Variants in AK5 observed in about 807,000 individuals in gnomAD.
AK5 encodes the protein adenylate kinase 5.
A neutral mutation model predicts 69.5 loss-of-function variants in AK5; 27 were observed. The observed-to-expected ratio is 0.39, with a 90% CI of 0.29 to 0.54. The LOEUF (loss-of-function observed/expected upper bound fraction) is 0.54, where lower values mean the gene tolerates loss of function less well. AK5 is among the 20% of genes least tolerant of loss of function. The pLI, the probability that AK5 is intolerant of heterozygous loss-of-function variation, is 0.71. For missense variants in AK5, 531 were observed against 700.4 expected, an observed-to-expected ratio of 0.76 and a Z score of 2.73; for synonymous variants, 260 against 244.4, an observed-to-expected ratio of 1.06 and a Z score of -0.60.
chr1:77,293,587 A>G (rs1658808347), intron 2 of AK5: 2 of 429,126 alleles, frequency 4.7e-6, no homozygotes, highest in Non-Finnish European at 4.1e-6. Flanking sequence ...GCCAAGTTGA[A>G]TAGAAACTGC....
chr1:77,317,708 C>CCTTTGATTG (rs1660313204), intron 5 of AK5, among the ~76,000 whole-genome samples: 1 of 152,142 alleles, frequency 6.6e-6, no homozygotes, highest in African/African-American at 2.4e-5. Flanking sequence ...AGACCACTGC[C>CCTTTGATTG]ATTAGTTCAC....
chr1:77,558,781 A>G lies in AK5; in HGVS notation c.*111A>G. 1.4e-6 allele frequency: 1 copy of G among 734,850 alleles called. No homozygotes were observed. The highest frequency in any genetic ancestry group is 2.4e-6 in the Non-Finnish European group (1 of 418,202). 45.5% of individuals were successfully genotyped at this position (734,850 alleles called of 1,614,324 possible). On this transcript the variant is annotated 3_prime_UTR_variant, in exon 14 of 14. Coordinates refer to ENST00000354567, the MANE Select transcript of AK5 (RefSeq NM_174858.3). ...TGTGTCACCGCCCCCACCAACCACCACCTCCTAAATCCTGACAGCACTGTT... is the reference window on the plus strand; with the variant it reads ...TGTGTCACCGCCCCCACCAACCACCGCCTCCTAAATCCTGACAGCACTGTT...
intron 6 of AK5, among the ~76,000 whole-genome samples, chr1:77,372,190 A>G (rs1647133629): frequency 6.6e-6 from 1 of 152,080 alleles, no homozygotes; most frequent in South Asian, 2.1e-4. Context: ...CAAAAAAAAA[A>G]TTCCTTGGAA....
chr1:77,412,151 G>A (rs1650085796), intron 7 of AK5, among the ~76,000 whole-genome samples: 1 of 152,178 alleles, frequency 6.6e-6, no homozygotes, highest in Admixed American at 6.5e-5. Context: ...GGATGGAGGG[G>A]CTGATTTAAG....
chr1:77,510,907 A>G (rs1326550048), intron 10 of AK5, among the ~76,000 whole-genome samples: 6 of 151,292 alleles, frequency 4.0e-5, no homozygotes, highest in Admixed American at 4.0e-4. Flanking sequence ...ATGTATCTGT[A>G]CATACATATG....
In AK5 at chr1:77,311,818, CT is replaced by C. The variant is rs1227811347; in HGVS notation, c.699+13872del. 2.0e-5 allele frequency among the ~76,000 whole-genome samples: 3 copies of C among 152,074 alleles called. No homozygotes were observed. The East Asian group carries it at 5.8e-4, about 29-fold the overall frequency. ...GTGTTAAAGGCTGCCCAGAACAGTT[CT>C]GATTTTGTTCTGTTCTGAGGTTCCA... On this transcript the variant is annotated intron_variant, in intron 5 of 13. Transcript: ENST00000354567.
chr1:77,334,323 A>G (rs1349465987), intron 5 of AK5, among the ~76,000 whole-genome samples: 1 of 152,112 alleles, frequency 6.6e-6, no homozygotes, highest in Non-Finnish European at 1.5e-5. Context: ...TGTCAGTCTA[A>G]TTGTTGCTTC....
At chr1:77,544,611 A>G (rs1557665967) in intron 13 of AK5, among the ~76,000 whole-genome samples, 1 of 151,798 alleles carries the variant, frequency 6.6e-6, no homozygotes, top group East Asian at 1.9e-4. Context: ...AGGCCTGCCT[A>G]CACAGGGTTA....
rs1406473655 is a variant in AK5, at chr1:77,282,150, G to A, written c.-164G>A. On this transcript the variant is annotated 5_prime_UTR_variant, in exon 1 of 14. Transcript: ENST00000354567. Reference sequence around the variant, plus strand: ...ACCACAGCCCCCGGGGAGAGGCGGAGGGGGTCCCTGGCCTGGGCGGAGAGG... The same window carrying A: ...ACCACAGCCCCCGGGGAGAGGCGGAAGGGGTCCCTGGCCTGGGCGGAGAGG... 1 of 522,732 alleles carries A rather than the reference G, an allele frequency of 1.9e-6. No individual in the cohort carries two copies. The highest frequency in any genetic ancestry group is 3.5e-5 in the East Asian group (1 of 28,216). The allele number at this position is 522,732 out of a possible 1,614,324, so 32.4% of individuals were successfully genotyped here. A position where few individuals can be genotyped will look rare whatever the true frequency, so the allele number is the denominator to read the frequency against.
At chr1:77,374,908 A>G (rs912012430) in intron 6 of AK5, among the ~76,000 whole-genome samples, 4 of 152,100 alleles carry the variant, frequency 2.6e-5, no homozygotes, top group East Asian at 3.8e-4. Flanking sequence ...TTTTAATTAT[A>G]TTAGTAAATG....
chr1:77,442,419 G>T (rs1278209962), intron 8 of AK5, among the ~76,000 whole-genome samples: 1 of 152,198 alleles, frequency 6.6e-6, no homozygotes, highest in Non-Finnish European at 1.5e-5. Flanking sequence ...TGTGAGGGCT[G>T]CAGAGGACCC....
chr1:77,439,521 AC>A (rs1214546055), intron 8 of AK5, among the ~76,000 whole-genome samples: 1 of 152,016 alleles, frequency 6.6e-6, no homozygotes, highest in Non-Finnish European at 1.5e-5. Context: ...GCATTTTTAT[AC>A]CCATTAACCA....
chr1:77,385,842 C>G (rs1647986169), intron 6 of AK5, among the ~76,000 whole-genome samples: 1 of 152,096 alleles, frequency 6.6e-6, no homozygotes, highest in Non-Finnish European at 1.5e-5. Flanking sequence ...AGATCACAAC[C>G]ATAGGAGGTG....
At chr1:77,478,513 T>G (rs1655077672) in intron 8 of AK5, among the ~76,000 whole-genome samples, 1 of 152,172 alleles carries the variant, frequency 6.6e-6, no homozygotes, top group African/African-American at 2.4e-5. Flanking sequence ...CCGCCATAAT[T>G]GTGAGGGTTC....
intron 8 of AK5, among the ~76,000 whole-genome samples, chr1:77,478,957 C>G (rs1655105018): frequency 6.6e-6 from 1 of 151,064 alleles, no homozygotes; most frequent in South Asian, 2.1e-4. Flanking sequence ...TACACCTACA[C>G]AGGGAAATAA....
intron 8 of AK5, among the ~76,000 whole-genome samples, chr1:77,453,522 A>G (rs964921566): frequency 6.6e-6 from 1 of 152,230 alleles, no homozygotes; most frequent in African/African-American, 2.4e-5. Context: ...TGTTCCAATC[A>G]TGGGCATCTA....
rs568306948 is a variant in AK5, at chr1:77,368,522, A to G, written c.891+27954A>G. On this transcript the variant is annotated intron_variant, in intron 6 of 13. Coordinates refer to ENST00000354567, the MANE Select transcript of AK5 (RefSeq NM_174858.3). ...GTGTGGACAATCTGCGGTTGTTGGC[A>G]TCACCATCATTCCTGACTCTGAATT... Among the ~76,000 whole-genome samples, 13 of 151,694 alleles carry G rather than the reference A, an allele frequency of 8.6e-5. No individual in the cohort carries two copies. The South Asian group carries it at 2.5e-3, about 29-fold the overall frequency.
Position 77,452,751 on chromosome 1 carries a change from G to C in AK5, c.1060-30566G>C, listed in dbSNP as rs538035911. 2.6e-5 allele frequency among the ~76,000 whole-genome samples: 4 copies of C among 152,332 alleles called. No homozygotes were observed. The South Asian group carries it at 8.3e-4, about 32-fold the overall frequency. On this transcript the variant is annotated intron_variant, in intron 8 of 13. Coordinates refer to ENST00000354567, the MANE Select transcript of AK5 (RefSeq NM_174858.3). ...TCACTGGGCCTGGCTGTCTGCTAGT[G>C]CTTCCATGAGCTTCTAGAAACAACA...
At chr1:77,517,084 G>A (rs1286622398) in intron 10 of AK5, among the ~76,000 whole-genome samples, 1 of 118,198 alleles carries the variant, frequency 8.5e-6, no homozygotes, top group African/African-American at 3.1e-5. Context: ...AAAAAAAAAA[G>A]AAGAAGAAGA....
Sources: gnomAD v4.1 joint callset for allele counts (sites outside exome capture counted in the v4.1 genomes callset) on GRCh38, gnomAD v4.1.1 for gene constraint, MANE v1.5 for transcripts, NCBI Gene and HGNC (gene_info 2026-07-23, HGNC 2026-07-21) for gene names.